The following NAV2 variants were observed in gnomAD, a reference collection of about 807,000 sequenced individuals.
NAV2 encodes helicase, APC down-regulated 1.
Under a neutral mutation model 223.2 loss-of-function variants are expected in NAV2, and 54 were observed. The ratio of observed to expected loss-of-function variants is 0.24; its 90% confidence interval spans 0.19 to 0.30. The LOEUF (loss-of-function observed/expected upper bound fraction) is 0.30, where lower values mean the gene tolerates loss of function less well. Among genes scored for constraint, NAV2 ranks in the 10% least tolerant of loss-of-function variants. NAV2 has a pLI of 1.00. For missense variants in NAV2, 2,806 were observed against 3,147.5 expected (o/e 0.89, Z 2.60); for synonymous variants, 1,279 against 1,239.3 (o/e 1.03, Z -0.67).
chr11:19,831,743 G>A (rs1014105755), intron 1 of NAV2, among the ~76,000 whole-genome samples: 2 of 152,136 alleles, frequency 1.3e-5, no homozygotes, highest in African/African-American at 4.8e-5. Context: ...GGTCAGATAT[G>A]TTCCCCAAGG....
At chr11:20,022,711 T>G (rs2054613997) in intron 11 of NAV2, 2 of 1,029,904 alleles carry the variant, frequency 1.9e-6, no homozygotes, top group Non-Finnish European at 2.3e-6. Context: ...AAGTAGTTTT[T>G]CATTCTTAGA....
At chr11:19,901,416 G>A (rs549989847) in intron 6 of NAV2, among the ~76,000 whole-genome samples, 4 of 152,220 alleles carry the variant, frequency 2.6e-5, no homozygotes, top group South Asian at 2.1e-4. Context: ...GTGTGGTGGC[G>A]TACGCCTGTA....
rs146763649 is a variant in NAV2, at chr11:19,959,704, C to G, written c.2645+10624C>G. 3.5e-4 allele frequency among the ~76,000 whole-genome samples: 53 copies of G among 152,306 alleles called. No homozygotes were observed. The East Asian group carries it at 0.01, about 29-fold the overall frequency. ...TGCTCTTCCCCGCATGACTCCTCCCCAAGCCCCAAAGGGTAAGAAGCTAGT... is the reference window on the plus strand; with the variant it reads ...TGCTCTTCCCCGCATGACTCCTCCCGAAGCCCCAAAGGGTAAGAAGCTAGT... On this transcript the variant is annotated intron_variant, in intron 10 of 37. Coordinates refer to ENST00000349880, the MANE Select transcript of NAV2 (RefSeq NM_145117.5).
intron 1 of NAV2, among the ~76,000 whole-genome samples, chr11:19,515,556 T>A (rs879380506): frequency 1.3e-5 from 2 of 152,256 alleles, no homozygotes; most frequent in African/African-American, 2.4e-5. Context: ...TTTCTACATA[T>A]CCTTTTTTCA....
chr11:19,612,369 T>C (rs542532680), intron 1 of NAV2, among the ~76,000 whole-genome samples: 1 of 152,354 alleles, frequency 6.6e-6, no homozygotes, highest in South Asian at 2.1e-4. Flanking sequence ...TGCAGCCAGC[T>C]TGAATCTCTC....
At position 19,765,762 on chromosome 11, in the gene NAV2, C is replaced by A. The variant is rs1359812455; in HGVS notation, c.267+51800C>A. ...CCTGTTCCCTCTCCCCGCAACATTGCCCCTTCAGGTCTTCCATGTGGCTTG... is the reference window on the plus strand; with the variant it reads ...CCTGTTCCCTCTCCCCGCAACATTGACCCTTCAGGTCTTCCATGTGGCTTG... On this transcript the variant is annotated intron_variant, in intron 1 of 37. Coordinates refer to ENST00000349880, the MANE Select transcript of NAV2 (RefSeq NM_145117.5). 2.0e-5 allele frequency among the ~76,000 whole-genome samples: 3 copies of A among 152,174 alleles called. 1 individual carries two copies. Among genetic ancestry groups the A allele is most frequent in the Non-Finnish European group, 4.4e-5 (3 of 68,030 alleles).
chr11:19,673,339 C>A (rs79689309), intron 1 of NAV2, among the ~76,000 whole-genome samples: 2,960 of 152,284 alleles, frequency 0.019, 90 homozygotes, highest in African/African-American at 0.067. Context: ...AATTTTAATT[C>A]TTCTACCAAT....
intron 1 of NAV2, among the ~76,000 whole-genome samples, chr11:19,353,630 G>A (rs1029809485): frequency 6.6e-6 from 1 of 152,144 alleles, no homozygotes; most frequent in Non-Finnish European, 1.5e-5. Flanking sequence ...TTTGGCACTT[G>A]GTAAATATTT....
intron 6 of NAV2, among the ~76,000 whole-genome samples, chr11:19,900,713 C>T (rs1226878658): frequency 6.6e-6 from 1 of 152,130 alleles, no homozygotes; most frequent in Non-Finnish European, 1.5e-5. Context: ...ATGATGGTGT[C>T]CTCAGGAAGT....
At chr11:19,510,308 A>G (rs1455424171) in intron 1 of NAV2, among the ~76,000 whole-genome samples, 1 of 152,218 alleles carries the variant, frequency 6.6e-6, no homozygotes, top group Admixed American at 6.5e-5. Flanking sequence ...TGTCTATTTT[A>G]AACATGAGGA....
At chr11:19,797,158 A>G (rs2057962191) in intron 1 of NAV2, among the ~76,000 whole-genome samples, 1 of 152,148 alleles carries the variant, frequency 6.6e-6, no homozygotes, top group Non-Finnish European at 1.5e-5. Flanking sequence ...GGCATGAGAA[A>G]AGGCCAGAAT....
intron 1 of NAV2, among the ~76,000 whole-genome samples, chr11:19,508,794 T>C (rs2043194808): frequency 6.6e-6 from 1 of 152,250 alleles, no homozygotes; most frequent in Non-Finnish European, 1.5e-5. Flanking sequence ...TGGCTGACTC[T>C]GAATTTGTTA....
At chr11:19,899,987 G>T (rs533438509) in intron 6 of NAV2, among the ~76,000 whole-genome samples, 1 of 152,136 alleles carries the variant, frequency 6.6e-6, no homozygotes, top group South Asian at 2.1e-4. Context: ...ATTATCCCAG[G>T]CCAGGGAGAG....
chr11:19,836,490 G>C (rs1365692472), intron 2 of NAV2, among the ~76,000 whole-genome samples: 1 of 151,232 alleles, frequency 6.6e-6, no homozygotes, highest in Non-Finnish European at 1.5e-5. Flanking sequence ...CCGGGAAGCG[G>C]AGCTTGCAGT....
At chr11:19,587,642 G>T (rs928965509) in intron 1 of NAV2, among the ~76,000 whole-genome samples, 3 of 152,184 alleles carry the variant, frequency 2.0e-5, no homozygotes, top group African/African-American at 4.8e-5. Context: ...CATGGCTGAT[G>T]AACATTTTCT....
intron 1 of NAV2, among the ~76,000 whole-genome samples, chr11:19,671,938 C>A (rs1452053969): frequency 6.6e-6 from 1 of 152,170 alleles, no homozygotes; most frequent in Non-Finnish European, 1.5e-5. Flanking sequence ...TGATTCATGT[C>A]CGCAGAAAAT....
chr11:19,942,759 G>C (rs1408404457), intron 8 of NAV2, among the ~76,000 whole-genome samples: 1 of 152,236 alleles, frequency 6.6e-6, no homozygotes, highest in African/African-American at 2.4e-5. Context: ...CAAGGTGAGA[G>C]GATCGCTTGA....
intron 10 of NAV2, among the ~76,000 whole-genome samples, chr11:19,970,910 C>A (rs2049183430): frequency 6.6e-6 from 1 of 152,166 alleles, no homozygotes; most frequent in Admixed American, 6.5e-5. Flanking sequence ...CATGAAACTG[C>A]CTATCATGAA....
chr11:19,668,230 T>C (rs1330146570), intron 1 of NAV2, among the ~76,000 whole-genome samples: 1 of 152,192 alleles, frequency 6.6e-6, no homozygotes, highest in African/African-American at 2.4e-5. Flanking sequence ...ATTGTCGCCA[T>C]CAATTGCCTT....
Sources: gnomAD v4.1 joint callset for allele counts (sites outside exome capture counted in the v4.1 genomes callset) on GRCh38, gnomAD v4.1.1 for gene constraint, MANE v1.5 for transcripts, NCBI Gene and HGNC (gene_info 2026-07-23, HGNC 2026-07-21) for gene names.